NPAS3: variants seen among roughly 807,000 people sequenced by gnomAD.
NPAS3 encodes neuronal PAS domain-containing protein 3.
NPAS3 carries 14 observed loss-of-function variants against 73.1 expected under a neutral mutation model. That is an observed-to-expected ratio of 0.19 (90% CI 0.13 to 0.30). The LOEUF (loss-of-function observed/expected upper bound fraction) is 0.30. NPAS3 is among the 10% of genes least tolerant of loss of function. The pLI is 1.00. For synonymous variants in NPAS3, 620 were observed against 541.5 expected (o/e 1.14, Z -2.01); for missense variants, 1,096 against 1,250.0 (o/e 0.88, Z 1.86).
intron 4 of NPAS3, among the ~76,000 whole-genome samples, chr14:33,429,194 G>T (rs1234311354): frequency 6.6e-6 from 1 of 152,106 alleles, no homozygotes; most frequent in African/African-American, 2.4e-5. Flanking sequence ...GTCACACTTT[G>T]GTATTAGTCA....
chr14:33,055,922 C>T (rs1328271446), exon 2 of NPAS3: 2 of 810,160 alleles, frequency 2.5e-6, no homozygotes, highest in Non-Finnish European at 4.3e-6. Context: ...GCCCAGCATC[C>T]TCTGCCCAAC....
Position 33,696,518 on chromosome 14 carries a change from G to A in NPAS3, c.733+20133G>A, listed in dbSNP as rs183030896. Among the ~76,000 whole-genome samples the A allele has an allele frequency of 7.5e-3, 1,145 of 152,282 alleles. 9 individuals carry two copies. Among genetic ancestry groups the A allele is most frequent in the Non-Finnish European group, 0.011 (736 of 68,022 alleles). On this transcript the variant is annotated intron_variant, in intron 6 of 11. Transcript: ENST00000356141. ...AGTAGAGTAACGCATTCGGTAAATAGTGCAGCATTATTCTTTGGGGTTTGT... is the reference window on the plus strand; with the variant it reads ...AGTAGAGTAACGCATTCGGTAAATAATGCAGCATTATTCTTTGGGGTTTGT...
intron 3 of NPAS3, among the ~76,000 whole-genome samples, chr14:33,242,351 G>A (rs1392763512): frequency 1.3e-5 from 2 of 152,028 alleles, no homozygotes; most frequent in Non-Finnish European, 2.9e-5. Context: ...GGGAATTTCA[G>A]ATTTTTGTAT....
intron 4 of NPAS3, among the ~76,000 whole-genome samples, chr14:33,546,246 C>T (rs2054837853): frequency 6.6e-6 from 1 of 152,192 alleles, no homozygotes; most frequent in Admixed American, 6.5e-5. Context: ...ACTACTCTGG[C>T]TGCTTACTGC....
chr14:33,449,937 A>C (rs2049712744), intron 4 of NPAS3, among the ~76,000 whole-genome samples: 1 of 152,214 alleles, frequency 6.6e-6, no homozygotes, highest in Admixed American at 6.5e-5. Flanking sequence ...TTGGAGCAAT[A>C]GCATTTAAGA....
chr14:33,213,297 A>G (rs1044225108), intron 2 of NPAS3, among the ~76,000 whole-genome samples: 1 of 152,216 alleles, frequency 6.6e-6, no homozygotes, highest in African/African-American at 2.4e-5. Flanking sequence ...CAAGAACACA[A>G]AAAGAATAAA....
intron 4 of NPAS3, among the ~76,000 whole-genome samples, chr14:33,463,542 A>T (rs1213690501): frequency 1.3e-5 from 2 of 152,290 alleles, no homozygotes; most frequent in East Asian, 3.9e-4. Context: ...ACATAAGGAG[A>T]TTTCAAAGGT....
chr14:33,746,822 C>A (rs1350871999), intron 7 of NPAS3, among the ~76,000 whole-genome samples: 2 of 151,928 alleles, frequency 1.3e-5, no homozygotes, highest in Middle Eastern at 3.2e-3. Context: ...TATACATGTG[C>A]CATGCCGGTG....
rs1222013765 is a variant in NPAS3 at position 33,055,656 on chromosome 14, C to T, written c.51-249C>T. On this transcript the variant is annotated intron_variant, in intron 1 of 11. Coordinates refer to ENST00000356141, the Ensembl canonical transcript of NPAS3. The stretch of plus-strand genomic sequence containing the variant: ...TCTCTTTTCTTCCACTTTTATGACT[C>T]TGAGATTTAAAAAAAAAAACAAAAC... Among the ~76,000 whole-genome samples the T allele has an allele frequency of 2.0e-5, 3 of 151,272 alleles. No homozygotes were observed. In the South Asian group the frequency reaches 6.2e-4, roughly 31 times the overall value.
intron 4 of NPAS3, among the ~76,000 whole-genome samples, chr14:33,494,741 A>C (rs748181746): frequency 4.6e-5 from 7 of 152,114 alleles, no homozygotes; most frequent in Non-Finnish European, 8.8e-5. Flanking sequence ...TACAGTCAAC[A>C]ACATTCCTTA....
At chr14:33,245,739 A>C (rs1181260584) in intron 3 of NPAS3, among the ~76,000 whole-genome samples, 1 of 152,188 alleles carries the variant, frequency 6.6e-6, no homozygotes, top group East Asian at 1.9e-4. Flanking sequence ...GACCTATTAC[A>C]GTTTACTCTA....
intron 2 of NPAS3, among the ~76,000 whole-genome samples, chr14:33,129,624 C>T (rs1213986553): frequency 6.6e-6 from 1 of 152,050 alleles, no homozygotes; most frequent in Non-Finnish European, 1.5e-5. Context: ...TTTGGTTGTT[C>T]CCAATTGTAG....
chr14:33,400,834 A>G (rs1290389998), intron 4 of NPAS3, among the ~76,000 whole-genome samples: 3 of 151,968 alleles, frequency 2.0e-5, no homozygotes, highest in Admixed American at 2.0e-4. Context: ...GTGTTTGCCC[A>G]TAGAAAAAAT....
At chr14:33,383,277 T>C (rs1374043446) in intron 4 of NPAS3, among the ~76,000 whole-genome samples, 1 of 152,120 alleles carries the variant, frequency 6.6e-6, no homozygotes, top group Non-Finnish European at 1.5e-5. Flanking sequence ...GTGGTCTTAG[T>C]AGGTGCTCAG....
At chr14:33,272,072 G>T (rs557522743) in intron 3 of NPAS3, among the ~76,000 whole-genome samples, 1 of 152,252 alleles carries the variant, frequency 6.6e-6, no homozygotes, top group East Asian at 1.9e-4. Flanking sequence ...TCAAATTCCA[G>T]GCTTGGGGCC....
chr14:32,946,696 C>T (rs1469103215), intron 1 of NPAS3, among the ~76,000 whole-genome samples: 7 of 152,088 alleles, frequency 4.6e-5, no homozygotes, highest in Admixed American at 4.6e-4. Context: ...TTTGTGATTG[C>T]AAGATAATTC....
At chr14:33,667,043 C>T (rs4981202) in intron 5 of NPAS3, among the ~76,000 whole-genome samples, 102,566 of 152,132 alleles carry the variant, frequency 0.67, 34,810 homozygotes, top group African/African-American at 0.75. Flanking sequence ...AGAAGAATTT[C>T]AATGATTAGC....
At chr14:33,021,374 C>G (rs2039591403) in intron 1 of NPAS3, among the ~76,000 whole-genome samples, 1 of 152,200 alleles carries the variant, frequency 6.6e-6, no homozygotes, top group African/African-American at 2.4e-5. Context: ...AGAAGTTGTT[C>G]AGTAAGTGGG....
intron 3 of NPAS3, among the ~76,000 whole-genome samples, chr14:33,355,502 G>A (rs1354788664): frequency 1.3e-5 from 2 of 152,148 alleles, no homozygotes; most frequent in Non-Finnish European, 2.9e-5. Context: ...GTTTCACCAT[G>A]TTGGCCAGGA....
Sources: allele counts gnomAD v4.1 joint callset (sites outside exome capture counted in the v4.1 genomes callset), GRCh38; gene constraint gnomAD v4.1.1; transcripts MANE v1.5; gene names NCBI Gene and HGNC (gene_info 2026-07-23, HGNC 2026-07-21).